ATOSA: variants seen among roughly 807,000 people sequenced by gnomAD.
ATOSA encodes the protein atos homolog A.
At chr15:52,668,169 A>G in the ATOSA span, among the ~76,000 whole-genome samples, 2 of 152,352 alleles carry the variant, frequency 1.3e-5, no homozygotes, top group African/African-American at 4.8e-5. Flanking sequence ...CTGTGTCCAT[A>G]AAGAAAATGT....
At chr15:52,612,783 G>A in the ATOSA span, among the ~76,000 whole-genome samples, 10 of 152,132 alleles carry the variant, frequency 6.6e-5, no homozygotes, top group South Asian at 6.2e-4. Context: ...GATTACAGGC[G>A]TGAACCACTG....
chr15:52,662,268 G>A, the ATOSA span, among the ~76,000 whole-genome samples: 1 of 152,104 alleles, frequency 6.6e-6, no homozygotes, highest in African/African-American at 2.4e-5. Context: ...TAGTATCATG[G>A]GGACTCCCTG....
the ATOSA span, among the ~76,000 whole-genome samples, chr15:52,684,789 T>C: frequency 5.3e-5 from 8 of 152,174 alleles, no homozygotes; most frequent in Non-Finnish European, 2.9e-5. Flanking sequence ...CAGGCTGGAG[T>C]ACAGTGGTGT....
At chr15:52,602,225 A>ATG in the ATOSA span, among the ~76,000 whole-genome samples, 1 of 152,142 alleles carries the variant, frequency 6.6e-6, no homozygotes, top group Non-Finnish European at 1.5e-5. Context: ...ATGTGTATGC[A>ATG]TGTGTGTGTA....
At chr15:52,652,900 A>G in the ATOSA span, among the ~76,000 whole-genome samples, 2 of 152,172 alleles carry the variant, frequency 1.3e-5, no homozygotes, top group Non-Finnish European at 2.9e-5. Context: ...AACAGCAAAA[A>G]TCCCTCCCCA....
chr15:52,691,009 C>A, the ATOSA span, among the ~76,000 whole-genome samples: 1 of 152,104 alleles, frequency 6.6e-6, no homozygotes, highest in African/African-American at 2.4e-5. Context: ...TTTCTTAGAC[C>A]AACTAAAATT....
chr15:52,686,751 A>G, the ATOSA span, among the ~76,000 whole-genome samples: 2 of 152,086 alleles, frequency 1.3e-5, no homozygotes, highest in Non-Finnish European at 2.9e-5. Context: ...TGTTTTCCAG[A>G]CTGGTCTCTA....
At chr15:52,685,311 C>T in the ATOSA span, among the ~76,000 whole-genome samples, 2 of 152,290 alleles carry the variant, frequency 1.3e-5, no homozygotes, top group East Asian at 3.9e-4. Context: ...GGGTTCAGTG[C>T]ACCCTAATGA....
the ATOSA span, among the ~76,000 whole-genome samples, chr15:52,643,049 GCCA>G: frequency 1.3e-5 from 2 of 151,802 alleles, no homozygotes; most frequent in Non-Finnish European, 2.9e-5. Flanking sequence ...CTCTCCCAGG[GCCA>G]CCACAAGATG....
chr15:52,584,625 T>C, the ATOSA span: 1 of 812,368 alleles, frequency 1.2e-6, no homozygotes, highest in East Asian at 2.7e-5. Context: ...CATCAAGAGT[T>C]CCCAAGCTAA....
chr15:52,650,454 G>A, the ATOSA span, among the ~76,000 whole-genome samples: 1 of 152,006 alleles, frequency 6.6e-6, no homozygotes, highest in East Asian at 1.9e-4. Flanking sequence ...TAATCTTTAA[G>A]GACTATTTTG....
the ATOSA span, among the ~76,000 whole-genome samples, chr15:52,595,138 G>A: frequency 2.7e-3 from 405 of 152,288 alleles, no homozygotes; most frequent in African/African-American, 9.4e-3. Flanking sequence ...TCAAATGACA[G>A]CTCCTCAGTA....
the ATOSA span, among the ~76,000 whole-genome samples, chr15:52,697,765 T>A: frequency 6.6e-6 from 1 of 151,656 alleles, no homozygotes; most frequent in East Asian, 1.9e-4. Flanking sequence ...AATAAAAAAT[T>A]GGGCAAAGAC....
chr15:52,581,895 CA>C, the ATOSA span: 1 of 332,194 alleles, frequency 3.0e-6, no homozygotes, highest in East Asian at 4.9e-5. Flanking sequence ...AATGTGTAAA[CA>C]CTAATCTAAC....
chr15:52,666,605 G>T, the ATOSA span, among the ~76,000 whole-genome samples: 1 of 152,124 alleles, frequency 6.6e-6, no homozygotes, highest in African/African-American at 2.4e-5. Context: ...TCAGAAAAGA[G>T]AATGCATAAC....
the ATOSA span, among the ~76,000 whole-genome samples, chr15:52,668,955 G>A: frequency 1.3e-5 from 2 of 148,352 alleles, no homozygotes; most frequent in Non-Finnish European, 3.0e-5. Context: ...ACCCAGGCTT[G>A]AGTGCAGTGG....
the ATOSA span, among the ~76,000 whole-genome samples, chr15:52,639,337 C>T: frequency 1.3e-5 from 2 of 152,196 alleles, no homozygotes; most frequent in Non-Finnish European, 2.9e-5. Flanking sequence ...TTCTCAAAGT[C>T]TACTGACAAT....
the ATOSA span, among the ~76,000 whole-genome samples, chr15:52,637,563 A>G: frequency 1.3e-5 from 2 of 152,152 alleles, no homozygotes; most frequent in Non-Finnish European, 1.5e-5. Flanking sequence ...CAATACTACT[A>G]AGGCCATCAT....
the ATOSA span, among the ~76,000 whole-genome samples, chr15:52,665,295 A>C: frequency 2.6e-5 from 4 of 152,362 alleles, no homozygotes; most frequent in Middle Eastern, 6.8e-3. Flanking sequence ...GGGAGACTGA[A>C]GATTTTAGTT....
Sources: allele counts gnomAD v4.1 joint callset (sites outside exome capture counted in the v4.1 genomes callset), GRCh38; gene constraint gnomAD v4.1.1; transcripts MANE v1.5; gene names NCBI Gene and HGNC (gene_info 2026-07-23, HGNC 2026-07-21).